Variants in COLGALT2 observed in about 807,000 individuals in gnomAD.
The protein encoded by COLGALT2 is procollagen galactosyltransferase 2.
A neutral mutation model predicts 73.4 loss-of-function variants in COLGALT2; 49 were observed. The observed-to-expected ratio is 0.67, with a 90% CI of 0.53 to 0.85. The LOEUF (loss-of-function observed/expected upper bound fraction) is 0.85, where lower values mean the gene tolerates loss of function less well. Among genes scored for constraint, COLGALT2 ranks in the 40% least tolerant of loss-of-function variants. The pLI is 0.00. For synonymous variants in COLGALT2, 295 were observed against 307.6 expected (o/e 0.96, Z 0.43); for missense variants, 722 against 790.2 (o/e 0.91, Z 1.03).
chr1:183,973,512 A>G (rs962520789), intron 4 of COLGALT2, 104 bp downstream of exon 4: 4 of 1,412,022 alleles, frequency 2.8e-6, no homozygotes, highest in Non-Finnish European at 2.0e-6. Flanking sequence ...AATGACACGC[A>G]TGTTTCAAGG....
In COLGALT2 at chr1:183,944,185, T is replaced by C. The variant is rs779484528; in HGVS notation, c.1397+11A>G. The stretch of plus-strand genomic sequence containing the variant: ...CTCAGAGCCCTCTCGTAAGATCATC[T>C]TGTCACTCACATCAGTTCCCAGTCC... On this transcript the variant is annotated intron_variant, in intron 10 of 11. Coordinates refer to ENST00000361927, the MANE Select transcript of COLGALT2 (RefSeq NM_015101.4). The C allele has an allele frequency of 1.2e-6, 2 of 1,606,840 alleles. No individual in the cohort carries two copies. The highest frequency in any genetic ancestry group is 3.4e-5 in the Admixed American group (2 of 58,488).
rs772283700 is a variant in COLGALT2, at chr1:183,944,234, C to A, written c.1359G>T (p.Met453Ile). ...CCAGCTGAGCCTGGTCAATGTTATC[C>A]ATCAGCTTCATCAGCTTCTTCTTAA... ...HQFKKKLMKL[M>I]DNIDQAQLDW... The change falls in exon 10 of 12, where the codon ATG (methionine) becomes ATT (isoleucine). Residue 453 changes from methionine (M) to isoleucine (I), a missense_variant. Physicochemically the swap from Met to Ile is conservative, Grantham distance 10. Coordinates refer to ENST00000361927, the MANE Select transcript of COLGALT2 (RefSeq NM_015101.4). 3.2e-5 allele frequency: 51 copies of A among 1,613,826 alleles called. No homozygotes were observed. The highest frequency in any genetic ancestry group is 8.5e-6 in the Non-Finnish European group (10 of 1,179,944).
chr1:184,000,211 T>G (rs886076849), intron 1 of COLGALT2, among the ~76,000 whole-genome samples: 3 of 152,124 alleles, frequency 2.0e-5, no homozygotes, highest in African/African-American at 7.2e-5. Flanking sequence ...TTCAGTCTCG[T>G]TTTTTGGCCT....
chr1:183,980,643 A>G (rs986900344), intron 1 of COLGALT2, among the ~76,000 whole-genome samples: 3 of 152,138 alleles, frequency 2.0e-5, no homozygotes, highest in African/African-American at 2.4e-5. Context: ...GATACTTCCA[A>G]TGCTATACAG....
intron 1 of COLGALT2, among the ~76,000 whole-genome samples, chr1:184,020,156 T>C (rs1649130303): frequency 6.6e-6 from 1 of 152,176 alleles, no homozygotes; most frequent in Non-Finnish European, 1.5e-5. Flanking sequence ...CGAATCCTAT[T>C]AGTAATGACA....
At chr1:183,987,610 T>C (rs1167422312) in intron 1 of COLGALT2, among the ~76,000 whole-genome samples, 1 of 152,232 alleles carries the variant, frequency 6.6e-6, no homozygotes, top group Non-Finnish European at 1.5e-5. Context: ...ACTGTCCCAG[T>C]ACTTAACAGT....
Position 183,987,512 on chromosome 1 carries a change from T to C in COLGALT2, c.264-8992A>G, listed in dbSNP as rs2102827196. Among the ~76,000 whole-genome samples the C allele has an allele frequency of 2.0e-5, 3 of 152,390 alleles. No homozygotes were observed. The South Asian group carries it at 6.2e-4, about 32-fold the overall frequency. ...GTAATTATGCATCACTAGCTTGCCA[T>C]GCTTCCAGCACTGTGCTTGCTCTTG... On this transcript the variant is annotated intron_variant, in intron 1 of 11. Coordinates refer to ENST00000361927, the MANE Select transcript of COLGALT2 (RefSeq NM_015101.4).
intron 1 of COLGALT2, among the ~76,000 whole-genome samples, chr1:184,027,077 T>G (rs1649354827): frequency 6.6e-6 from 1 of 152,166 alleles, no homozygotes; most frequent in Admixed American, 6.5e-5. Context: ...TAGATGGAGA[T>G]GGAACATATG....
chr1:183,987,608 A>C (rs1372405024), intron 1 of COLGALT2, among the ~76,000 whole-genome samples: 1 of 152,250 alleles, frequency 6.6e-6, no homozygotes, highest in African/African-American at 2.4e-5. Context: ...GGACTGTCCC[A>C]GTACTTAACA....
chr1:183,956,885 T>G (rs1207033237), intron 6 of COLGALT2, among the ~76,000 whole-genome samples: 1 of 152,172 alleles, frequency 6.6e-6, no homozygotes, highest in Admixed American at 6.5e-5. Flanking sequence ...CCTAAGAAAC[T>G]TAGTCTGTGG....
downstream of COLGALT2, among the ~76,000 whole-genome samples, chr1:183,932,654 C>T (rs1449245199): frequency 1.3e-5 from 2 of 152,188 alleles, no homozygotes; most frequent in African/African-American, 2.4e-5. Flanking sequence ...TCCAAAAAGG[C>T]TCACAGAGAC....
chr1:184,023,614 G>C (rs1649239253), intron 1 of COLGALT2, among the ~76,000 whole-genome samples: 1 of 129,210 alleles, frequency 7.7e-6, no homozygotes, highest in Non-Finnish European at 1.6e-5. Context: ...TCAAACTGCT[G>C]TTTTTGCTTT....
intron 1 of COLGALT2, among the ~76,000 whole-genome samples, chr1:184,029,299 G>C (rs1361550680): frequency 1.3e-5 from 2 of 152,232 alleles, no homozygotes; most frequent in Non-Finnish European, 2.9e-5. Context: ...TAAGGGAAAA[G>C]TAATACAATC....
At chr1:183,955,765 T>C (rs534316322) in intron 6 of COLGALT2, among the ~76,000 whole-genome samples, 1 of 152,230 alleles carries the variant, frequency 6.6e-6, no homozygotes, top group South Asian at 2.1e-4. Context: ...AAAGAAAATT[T>C]AAAATGATAG....
rs1291894656 is a variant in COLGALT2 at position 183,940,637 on chromosome 1, A to G, written c.1548T>C (p.Phe516=). 6.2e-7 allele frequency: 1 copy of G among 1,614,238 alleles called. No individual in the cohort carries two copies. Among genetic ancestry groups the G allele is most frequent in the South Asian group, 1.1e-5 (1 of 91,082 alleles). Residue 516 remains phenylalanine (F), a synonymous_variant, in exon 11 of 12, where the codon TTT becomes TTC. Transcript: ENST00000361927. ...ACTCATCCACTGGCAGCATCTTCCC[A>G]AAAGGATTGGCTCCAACCAGCTTCT... The part of the protein sequence containing the change: ...GAQKLVGANP[F]GKMLPVDEFL...
intron 1 of COLGALT2, among the ~76,000 whole-genome samples, chr1:183,980,142 A>G (rs1022364462): frequency 1.3e-5 from 2 of 152,004 alleles, no homozygotes; most frequent in African/African-American, 4.8e-5. Context: ...ATTCAGTTTT[A>G]TATGCTTAAA....
At chr1:184,020,558 C>T (rs1649150707) in intron 1 of COLGALT2, among the ~76,000 whole-genome samples, 1 of 152,172 alleles carries the variant, frequency 6.6e-6, no homozygotes, top group African/African-American at 2.4e-5. Context: ...TCTCATCATT[C>T]AGGCCTTGGG....
chr1:184,010,678 T>C (rs140600311), intron 1 of COLGALT2, among the ~76,000 whole-genome samples: 240 of 152,202 alleles, frequency 1.6e-3, no homozygotes, highest in Middle Eastern at 6.8e-3. Flanking sequence ...GTGGCTACTG[T>C]GAGGACAGAA....
rs141227938 is a variant in COLGALT2 at position 184,030,441 on chromosome 1, A to G, written c.263+6654T>C. On this transcript the variant is annotated intron_variant, in intron 1 of 11. Coordinates refer to ENST00000361927, the MANE Select transcript of COLGALT2 (RefSeq NM_015101.4). ...TACTGTATGTTGTTATGCTATGTCAAGAAATATGCAGAAACAAGCCTTATT... is the reference window on the plus strand; with the variant it reads ...TACTGTATGTTGTTATGCTATGTCAGGAAATATGCAGAAACAAGCCTTATT... 4.4e-4 allele frequency among the ~76,000 whole-genome samples: 67 copies of G among 152,328 alleles called. 2 individuals carry two copies. In the East Asian group the frequency reaches 0.012, roughly 28 times the overall value.
Sources: gnomAD v4.1 joint callset for allele counts (sites outside exome capture counted in the v4.1 genomes callset) on GRCh38, gnomAD v4.1.1 for gene constraint, MANE v1.5 for transcripts, NCBI Gene and HGNC (gene_info 2026-07-23, HGNC 2026-07-21) for gene names.